Variants in SH3PXD2A observed in about 807,000 individuals in gnomAD.
The protein encoded by SH3PXD2A is SH3 and PX domains 2A.
In SH3PXD2A, 32 loss-of-function variants were observed where a neutral mutation model predicts 115.2. The ratio of observed to expected loss-of-function variants is 0.28; its 90% CI spans 0.21 to 0.37. The LOEUF is 0.37. Among genes scored for constraint, SH3PXD2A ranks in the 10% least tolerant of loss-of-function variants. The pLI, the probability that SH3PXD2A is intolerant of heterozygous loss-of-function variation, is 1.00. For synonymous variants in SH3PXD2A, 610 were observed against 629.1 expected, an observed-to-expected ratio of 0.97 and a Z score of 0.45; for missense variants, 1,328 against 1,498.7, an observed-to-expected ratio of 0.89 and a Z score of 1.88.
intron 5 of SH3PXD2A, 64 bp downstream of exon 5, chr10:103,724,205 CA>C: frequency 1.2e-6 from 1 of 805,438 alleles, no homozygotes; most frequent in Non-Finnish European, 1.9e-6. Context: ...TCAGCCTCCC[CA>C]GGCTGGCCAT....
intron 1 of SH3PXD2A, among the ~76,000 whole-genome samples, chr10:103,828,195 AC>A (rs1473832315): frequency 8.5e-5 from 13 of 152,260 alleles, no homozygotes; most frequent in Non-Finnish European, 1.6e-4. Context: ...GCGAATGCTT[AC>A]GCTAGGGAGA....
At chr10:103,822,318 A>G (rs1209801120) in intron 1 of SH3PXD2A, among the ~76,000 whole-genome samples, 1 of 152,174 alleles carries the variant, frequency 6.6e-6, no homozygotes, top group African/African-American at 2.4e-5. Context: ...ATTTTTTGTT[A>G]TTTGGAATAC....
intron 12 of SH3PXD2A, 63 bp from the exon 13 acceptor site, chr10:103,611,693 G>A (rs1165003946): frequency 4.6e-6 from 6 of 1,302,444 alleles, no homozygotes; most frequent in Non-Finnish European, 6.7e-6. Context: ...ACCCATACCT[G>A]CCTTCCCTAG....
intron 2 of SH3PXD2A, among the ~76,000 whole-genome samples, chr10:103,772,288 T>C (rs889234520): frequency 3.9e-5 from 6 of 152,274 alleles, no homozygotes; most frequent in African/African-American, 1.4e-4. Context: ...AGGGCTAGTT[T>C]CCACAGATAA....
chr10:103,727,102 TGA>T (rs2038250670), intron 4 of SH3PXD2A, among the ~76,000 whole-genome samples: 1 of 152,126 alleles, frequency 6.6e-6, no homozygotes, highest in Admixed American at 6.5e-5. Flanking sequence ...TTTACAGGGA[TGA>T]GAGAGAGCAA....
chr10:103,619,532 CAGA>C (rs2036571779), intron 10 of SH3PXD2A, among the ~76,000 whole-genome samples: 1 of 152,234 alleles, frequency 6.6e-6, no homozygotes, highest in Non-Finnish European at 1.5e-5. Context: ...GTGGGAAGAT[CAGA>C]GGAGCCCTGC....
At chr10:103,703,726 G>T (rs1184698363) in intron 5 of SH3PXD2A, among the ~76,000 whole-genome samples, 1 of 152,166 alleles carries the variant, frequency 6.6e-6, no homozygotes, top group Non-Finnish European at 1.5e-5. Flanking sequence ...CTCAAACACT[G>T]AATTTTTCAT....
chr10:103,833,635 T>C (rs1344919144), intron 1 of SH3PXD2A, among the ~76,000 whole-genome samples: 1 of 152,244 alleles, frequency 6.6e-6, no homozygotes, highest in Non-Finnish European at 1.5e-5. Context: ...AGTGAGATGA[T>C]AAATTTCCAC....
chr10:103,816,646 TTC>T (rs1185629586), intron 1 of SH3PXD2A, among the ~76,000 whole-genome samples: 1 of 152,220 alleles, frequency 6.6e-6, no homozygotes, highest in African/African-American at 2.4e-5. Flanking sequence ...AGCAATTCTA[TTC>T]TGAGGCATCT....
chr10:103,717,998 T>C (rs2038127009), intron 5 of SH3PXD2A, among the ~76,000 whole-genome samples: 1 of 125,752 alleles, frequency 8.0e-6, no homozygotes, highest in African/African-American at 3.2e-5. Flanking sequence ...TTGGTGTGGC[T>C]TCCATGTGTC....
intron 1 of SH3PXD2A, among the ~76,000 whole-genome samples, chr10:103,829,209 T>C (rs938214805): frequency 6.6e-6 from 1 of 152,236 alleles, no homozygotes; most frequent in African/African-American, 2.4e-5. Context: ...CACACACTGC[T>C]GTGGGAGGCC....
intron 1 of SH3PXD2A, among the ~76,000 whole-genome samples, chr10:103,804,051 T>C (rs768913436): frequency 1.3e-5 from 2 of 152,186 alleles, no homozygotes; most frequent in Non-Finnish European, 2.9e-5. Context: ...AGATAAGGGT[T>C]TGTGGAGATC....
intron 1 of SH3PXD2A, among the ~76,000 whole-genome samples, chr10:103,853,054 T>G (rs986886506): frequency 6.6e-6 from 1 of 152,190 alleles, no homozygotes; most frequent in African/African-American, 2.4e-5. Context: ...TTTCCAGAAC[T>G]CTAGTTCAGA....
At position 103,784,803 on chromosome 10, in the gene SH3PXD2A, G is replaced by C. The variant is rs577753541; in HGVS notation, c.153+16479C>G. On this transcript the variant is annotated intron_variant, in intron 2 of 14. Coordinates refer to ENST00000369774, the MANE Select transcript of SH3PXD2A (RefSeq NM_001394015.1). The surrounding 1 kb of genome is among the most constrained non-coding windows in gnomAD (Gnocchi z 4.4). ...AGAAGGGGGAAAAGGAGAAGGGAGTGGGGAGGATGTGGGGAGGGGTCCAGA... is the reference window on the plus strand; with the variant it reads ...AGAAGGGGGAAAAGGAGAAGGGAGTCGGGAGGATGTGGGGAGGGGTCCAGA... 2.0e-5 allele frequency among the ~76,000 whole-genome samples: 3 copies of C among 152,090 alleles called. No individual in the cohort carries two copies. The highest frequency in any genetic ancestry group is 2.0e-4 in the Admixed American group (3 of 15,270).
At position 103,613,063 on chromosome 10, in the gene SH3PXD2A, G is replaced by C. The variant is rs1290516560; in HGVS notation, c.1048C>G (p.Leu350Val). 6.2e-7 allele frequency: 1 copy of C among 1,614,184 alleles called. No individual in the cohort carries two copies. The highest frequency in any genetic ancestry group is 1.3e-5 in the African/African-American group (1 of 75,068). Reference protein sequence around the residue: ...IIGNIMEISNLLNKKASGDKE... With the variant: ...IIGNIMEISNVLNKKASGDKE... ...TCCCCAGACGCCTTCTTGTTCAGCA[G>C]GTTGCTGATCTCCATGATGTTCCCA... is the stretch of plus-strand genomic sequence containing the variant. The change falls in exon 12 of 15, where the codon CTG becomes GTG. Residue 350 changes from leucine (L) to valine (V), a missense_variant. Leu to Val is a conservative substitution (Grantham distance 32, BLOSUM62 1). Around this residue, in one of 5 missense-constraint regions of SH3PXD2A, gnomAD observed 509 missense variants for 628.3 expected, o/e 0.81. Coordinates refer to ENST00000369774, the MANE Select transcript of SH3PXD2A (RefSeq NM_001394015.1).
chr10:103,805,179 G>A (rs1195434981), intron 1 of SH3PXD2A, among the ~76,000 whole-genome samples: 2 of 152,210 alleles, frequency 1.3e-5, no homozygotes, highest in Non-Finnish European at 2.9e-5. Flanking sequence ...ACCTCCCAGA[G>A]AGAATCAATC....
chr10:103,654,266 G>A (rs1403389926), intron 8 of SH3PXD2A, among the ~76,000 whole-genome samples: 1 of 152,170 alleles, frequency 6.6e-6, no homozygotes. Flanking sequence ...AACTGCCCAA[G>A]CAAGAACTCC....
intron 5 of SH3PXD2A, among the ~76,000 whole-genome samples, chr10:103,714,543 C>T (rs1017326202): frequency 6.6e-5 from 10 of 152,226 alleles, no homozygotes; most frequent in African/African-American, 2.4e-4. Flanking sequence ...CTGCAGAAGT[C>T]CTTGTTCCCC....
chr10:103,740,651 G>A (rs1469686297), intron 3 of SH3PXD2A, among the ~76,000 whole-genome samples: 6 of 152,182 alleles, frequency 3.9e-5, no homozygotes, highest in South Asian at 2.1e-4. Flanking sequence ...GGCTGGCCTC[G>A]GGACCTCTTC....
Sources: allele counts gnomAD v4.1 joint callset (sites outside exome capture counted in the v4.1 genomes callset), GRCh38; gene constraint gnomAD v4.1.1; regional missense constraint gnomAD v4.1.1; non-coding constraint Gnocchi (gnomAD v3.1); transcripts MANE v1.5; gene names NCBI Gene and HGNC (gene_info 2026-07-23, HGNC 2026-07-21).